TUB: variants seen among roughly 807,000 people sequenced by gnomAD.
TUB encodes the protein TUB bipartite transcription factor.
In TUB, 33 loss-of-function variants were observed where a neutral mutation model predicts 59.7. The ratio of observed to expected loss-of-function variants is 0.55; its 90% confidence interval spans 0.42 to 0.74. The LOEUF is 0.74. TUB is among the 30% of genes least tolerant of loss of function. The probability of loss-of-function intolerance (pLI) is 0.00; values close to 1 mark genes in which losing one functional copy is unlikely to be tolerated. For missense variants in TUB, 659 were observed against 672.0 expected (o/e 0.98, Z 0.21); for synonymous variants, 293 against 256.4 (o/e 1.14, Z -1.36).
intron 2 of TUB, among the ~76,000 whole-genome samples, chr11:8,041,882 C>T (rs201567903): frequency 1.3e-4 from 20 of 152,244 alleles, no homozygotes; most frequent in Admixed American, 9.8e-4. Context: ...ATTCATGGCC[C>T]GCAGCCTCCA....
At chr11:8,066,335 G>A (rs1043787083) in intron 2 of TUB, among the ~76,000 whole-genome samples, 18 of 152,206 alleles carry the variant, frequency 1.2e-4, no homozygotes, top group Admixed American at 2.6e-4. Flanking sequence ...GGAATTGGAA[G>A]GGCCTGGCAT....
chr11:8,033,160 A>C (rs1235577745), intron 1 of TUB, among the ~76,000 whole-genome samples: 1 of 152,110 alleles, frequency 6.6e-6, no homozygotes, highest in Non-Finnish European at 1.5e-5. Context: ...TGTCGCTTCC[A>C]CACCCTGGGG....
intron 2 of TUB, chr11:8,059,971 A>C (rs957884500): frequency 6.6e-6 from 1 of 152,464 alleles, no homozygotes; most frequent in Admixed American, 6.6e-5. Flanking sequence ...GCCACAGGCG[A>C]GATGAGGAGG....
intron 4 of TUB, 23 bp downstream of exon 4, chr11:8,094,212 C>T (rs1417724918): frequency 5.6e-6 from 9 of 1,595,740 alleles, no homozygotes; most frequent in East Asian, 2.2e-5. Flanking sequence ...TCTCTACAGC[C>T]CTCCCCAGCA....
In TUB at chr11:8,094,065, C is replaced by T. The variant is rs1564919982; in HGVS notation, c.273C>T (p.Leu91=). The T allele has an allele frequency of 3.7e-6, 6 of 1,614,040 alleles. No homozygotes were observed. The highest frequency in any genetic ancestry group is 3.3e-5 in the Admixed American group (2 of 60,008). Residue 91 remains leucine, a synonymous_variant, in exon 4 of 12, where the codon CTC becomes CTT. Transcript: ENST00000299506. ...TSYQVQEADS[L]ASVQLGATRP... ...GAGCAGTTCAAGAGGCCGACTCACT[C>T]GCCAGTGTGCAGCTGGGAGCCACGC...
chr11:8,095,771 C>A, intron 5 of TUB, 106 bp downstream of exon 5: 8 of 1,252,954 alleles, frequency 6.4e-6, no homozygotes, highest in Non-Finnish European at 8.8e-6. Context: ...CCCTCCCTGG[C>A]AATGGTGGGT....
At chr11:8,080,636 G>C (rs764359900), upstream of TUB, among the ~76,000 whole-genome samples, 24 of 152,214 alleles carry the variant, frequency 1.6e-4, no homozygotes, top group Non-Finnish European at 3.1e-4. Flanking sequence ...TTACATACTA[G>C]AAATTTGCAA....
chr11:8,021,643 T>C (rs1942428873), intron 1 of TUB, among the ~76,000 whole-genome samples: 1 of 151,838 alleles, frequency 6.6e-6, no homozygotes, highest in African/African-American at 2.4e-5. Context: ...TGGCCAGGCG[T>C]GGTGGCTCAC....
At chr11:8,040,951 A>G (rs1381688768) in intron 2 of TUB, among the ~76,000 whole-genome samples, 2 of 152,244 alleles carry the variant, frequency 1.3e-5, no homozygotes, top group Non-Finnish European at 1.5e-5. Context: ...CCAAGGTCAC[A>G]CTGCAAGTTT....
intron 2 of TUB, among the ~76,000 whole-genome samples, chr11:8,053,383 T>C (rs1942963668): frequency 6.6e-6 from 1 of 152,244 alleles, no homozygotes; most frequent in African/African-American, 2.4e-5. Context: ...GATTTTTATA[T>C]CAGGGTTTGA....
intron 2 of TUB, among the ~76,000 whole-genome samples, chr11:8,063,909 C>A (rs117258917): frequency 3.9e-4 from 59 of 152,064 alleles, no homozygotes; most frequent in African/African-American, 1.4e-3. Context: ...TCTCATTTTG[C>A]GATTTTGGTC....
chr11:8,020,230 A>G (rs762082532), intron 1 of TUB, among the ~76,000 whole-genome samples: 4 of 152,228 alleles, frequency 2.6e-5, no homozygotes, highest in Non-Finnish European at 2.9e-5. Context: ...GTCCATCTGC[A>G]GAATTCTGGA....
chr11:8,084,401 T>C (rs1943627477), intron 1 of TUB, among the ~76,000 whole-genome samples: 1 of 152,252 alleles, frequency 6.6e-6, no homozygotes, highest in Non-Finnish European at 1.5e-5. Context: ...ACTAATAATT[T>C]CTAATTCTGC....
chr11:8,089,718 C>T (rs1943735137), intron 2 of TUB, 57 bp downstream of exon 2: 2 of 1,599,594 alleles, frequency 1.3e-6, no homozygotes, highest in Admixed American at 3.3e-5. Context: ...TCTCTGAGGG[C>T]AGAGGGGCAG....
At chr11:8,029,733 T>C (rs1423814699) in intron 1 of TUB, among the ~76,000 whole-genome samples, 2 of 152,072 alleles carry the variant, frequency 1.3e-5, no homozygotes, top group African/African-American at 4.8e-5. Context: ...GTATATGACC[T>C]ATGGCCTCGG....
In TUB at chr11:8,104,141, G is replaced by T. The variant is rs1022872593; in HGVS notation, c.*2522G>T. The T allele has an allele frequency of 6.6e-6, 1 of 152,264 alleles. No individual in the cohort carries two copies. The highest frequency in any genetic ancestry group is 2.4e-5 in the African/African-American group (1 of 41,444). 9.4% of individuals were successfully genotyped at this position (152,264 alleles called of 1,614,324 possible). A position where few individuals can be genotyped will look rare whatever the true frequency, so the allele number is the denominator to read the frequency against. ...GCTAGGGCCCCTAGAAACCACCTGGGTTCAGCCTCTCCCACAATAAGAGTT... is the reference window on the plus strand; with the variant it reads ...GCTAGGGCCCCTAGAAACCACCTGGTTTCAGCCTCTCCCACAATAAGAGTT... On this transcript the variant is annotated 3_prime_UTR_variant, in exon 12 of 12. Coordinates refer to ENST00000299506, the MANE Select transcript of TUB (RefSeq NM_177972.3).
At chr11:8,081,668 C>G (rs965406811) in intron 1 of TUB, 120 bp downstream of exon 1, 4 of 1,135,438 alleles carry the variant, frequency 3.5e-6, no homozygotes, top group African/African-American at 1.6e-5. Context: ...CACTGGGGCG[C>G]GGGTTGGAGT....
intron 2 of TUB, 117 bp from the exon 3 acceptor site, chr11:8,089,952 G>A (rs1943739348): frequency 1.4e-6 from 2 of 1,386,552 alleles, no homozygotes; most frequent in African/African-American, 1.5e-5. Flanking sequence ...GACCCCAAGT[G>A]TTGGGGTGCC....
intron 1 of TUB, among the ~76,000 whole-genome samples, chr11:8,021,394 G>A (rs889912706): frequency 1.3e-4 from 19 of 151,960 alleles, no homozygotes; most frequent in East Asian, 7.8e-4. Flanking sequence ...TGCTTGAGCC[G>A]GGGAGGCGGA....
Sources: gnomAD v4.1 joint callset for allele counts (sites outside exome capture counted in the v4.1 genomes callset) on GRCh38, gnomAD v4.1.1 for gene constraint, MANE v1.5 for transcripts, NCBI Gene and HGNC (gene_info 2026-07-23, HGNC 2026-07-21) for gene names.